PPDPF: variants seen among roughly 807,000 people sequenced by gnomAD.
The protein encoded by PPDPF is exocrine differentiation and proliferation factor.
PPDPF carries 11 observed loss-of-function variants against 6.3 expected under a neutral mutation model. The observed-to-expected ratio is 1.76, with a 90% CI of 1.11 to 2.91. The LOEUF is 2.91. Among genes scored for constraint, PPDPF ranks in the 30% most tolerant of loss-of-function variants. The pLI is 0.00. For missense variants in PPDPF, 202 were observed against 159.4 expected (o/e 1.27, Z -1.44); for synonymous variants, 86 against 64.5 (o/e 1.33, Z -1.60).
rs1356433827 is a variant in PPDPF, at chr20:63,522,138, C to A, written c.*259C>A. ...CTGGAACTGTGCACCTGGCACCAAG[C>A]GGAAAATAAACTCCAAGCAGCCAGT... On this transcript the variant is annotated 3_prime_UTR_variant, in exon 4 of 4. Transcript: ENST00000370179. 3 of 558,406 alleles carry A rather than the reference C, an allele frequency of 5.4e-6. No homozygotes were observed. Among genetic ancestry groups the A allele is most frequent in the Non-Finnish European group, 6.6e-6 (2 of 303,788 alleles). 34.6% of individuals were successfully genotyped at this position (558,406 alleles called of 1,614,324 possible). A position where few individuals can be genotyped will look rare whatever the true frequency, so the allele number is the denominator to read the frequency against.
In PPDPF at chr20:63,522,089, A is replaced by G. The variant is rs2082555046; in HGVS notation, c.*210A>G. On this transcript the variant is annotated 3_prime_UTR_variant, in exon 4 of 4. Transcript: ENST00000370179. ...GCCCCGCTCTCTACCGCCCGGCCCC[A>G]GCACTCGCTAGCTTTCCTGACACCT... is the stretch of plus-strand genomic sequence containing the variant. 2 of 601,200 alleles carry G rather than the reference A, an allele frequency of 3.3e-6. No homozygotes were observed. The highest frequency in any genetic ancestry group is 6.1e-6 in the Non-Finnish European group (2 of 328,956). 37.2% of individuals were successfully genotyped at this position (601,200 alleles called of 1,614,324 possible).
rs200015881 is a variant in PPDPF at position 63,521,619 on chromosome 20, C to T, written c.133+30C>T. On this transcript the variant is annotated intron_variant, in intron 3 of 3. Coordinates refer to ENST00000370179, the MANE Select transcript of PPDPF (RefSeq NM_024299.4). ...GTGCAGGATCGCCCCTTTCTCCCCCCGCTCCTCCAGGAGCTGGCAGCATCA... is the reference window on the plus strand; with the variant it reads ...GTGCAGGATCGCCCCTTTCTCCCCCTGCTCCTCCAGGAGCTGGCAGCATCA... 3.7e-6 allele frequency: 6 copies of T among 1,611,330 alleles called. No individual in the cohort carries two copies. The Admixed American group carries it at 5.0e-5, about 13-fold the overall frequency.
intron 1 of PPDPF, 105 bp from the exon 2 acceptor site, chr20:63,521,179 G>A (rs2082540659): frequency 3.6e-6 from 4 of 1,126,574 alleles, no homozygotes; most frequent in East Asian, 2.9e-5. Flanking sequence ...GAGCTGGGGA[G>A]CCCCGCCTCG....
In PPDPF at chr20:63,520,775, C is replaced by T. The variant is rs531474284; in HGVS notation, c.-145C>T. ...CGTCCGCGCGTGCGCACCCCGCGCG[C>T]GCCTCTCTGTCGTGGCGCGGCTTCC... is the stretch of plus-strand genomic sequence containing the variant. On this transcript the variant is annotated 5_prime_UTR_variant, in exon 1 of 4. Coordinates refer to ENST00000370179, the MANE Select transcript of PPDPF (RefSeq NM_024299.4). 3.0e-5 allele frequency: 30 copies of T among 984,658 alleles called. No individual in the cohort carries two copies. The highest frequency in any genetic ancestry group is 1.4e-4 in the South Asian group (3 of 21,268). The allele number at this position is 984,658 out of a possible 1,614,324, so 61.0% of individuals were successfully genotyped here. A position where few individuals can be genotyped will look rare whatever the true frequency, so the allele number is the denominator to read the frequency against.
chr20:63,521,262 G>A (rs2082541648), intron 1 of PPDPF, 22 bp from the exon 2 acceptor site: 2 of 1,558,646 alleles, frequency 1.3e-6, no homozygotes, highest in South Asian at 1.2e-5. Context: ...GACCCGAGGG[G>A]CTCCTCCACC....
intron 3 of PPDPF, 23 bp downstream of exon 3, chr20:63,521,612 C>A: frequency 6.2e-7 from 1 of 1,612,026 alleles, no homozygotes; most frequent in South Asian, 1.1e-5. Flanking sequence ...TCGCCCCTTT[C>A]TCCCCCCGCT....
At position 63,521,551 on chromosome 20, in the gene PPDPF, G is replaced by T; in HGVS notation, c.95G>T (p.Ser32Ile). The T allele has an allele frequency of 2.5e-6, 4 of 1,603,410 alleles. No homozygotes were observed. Among genetic ancestry groups the T allele is most frequent in the Non-Finnish European group, 3.4e-6 (4 of 1,174,660 alleles). ...GSTSSNSSCSSTECPGEAIPH... is the reference protein window; with the variant it reads ...GSTSSNSSCSITECPGEAIPH... ...ACTTCCAGCAACAGCTCCTGCAGCA[G>T]TACCGAGTGCCCCGGGGAAGCCATT... The change falls in exon 3 of 4, where the codon AGT (serine) becomes ATT (isoleucine). Residue 32 changes from serine (S) to isoleucine (I), a missense_variant. Ser to Ile is a moderately radical substitution (Grantham distance 142). Transcript: ENST00000370179.
rs1027209465 is a variant in PPDPF, at chr20:63,521,329, C to T, written c.21C>T (p.Ser7=). 3 of 1,609,206 alleles carry T rather than the reference C, an allele frequency of 1.9e-6. No individual in the cohort carries two copies. Among genetic ancestry groups the T allele is most frequent in the African/African-American group, 2.7e-5 (2 of 74,792 alleles). MAAIPS[S]GSLVATHDYY... ...AAAGCATGGCGGCCATCCCCTCCAG[C>T]GGCTCGCTCGTGGCCACCCACGACT... Residue 7 remains serine, a synonymous_variant, in exon 2 of 4, where the codon AGC becomes AGT. Transcript: ENST00000370179.
At position 63,521,803 on chromosome 20, in the gene PPDPF, G is replaced by T; in HGVS notation, c.269G>T (p.Cys90Phe). 1 of 1,612,348 alleles carries T rather than the reference G, an allele frequency of 6.2e-7. No individual in the cohort carries two copies. The highest frequency in any genetic ancestry group is 1.1e-5 in the South Asian group (1 of 91,052). Residue 90 changes from cysteine (C) to phenylalanine (F), a missense_variant, in exon 4 of 4, where the codon TGT becomes TTT. Transcript: ENST00000370179. ...CAGGCCTCCAGCAGCATGACCGCCT[G>T]TGGCCTGGCTCGGGACGCCCCGAGG... The part of the protein sequence containing the change: ...PPQASSSMTA[C>F]GLARDAPRKQ...
At position 63,520,818 on chromosome 20, in the gene PPDPF, A is replaced by G. The variant is rs2082537542; in HGVS notation, c.-102A>G. ...CGGCTTCCCGCGGTCTTCTCTGCAA[A>G]TGGGCTCCGTGGCCTAGCGCCCCCG... On this transcript the variant is annotated 5_prime_UTR_variant, in exon 1 of 4. The change abolishes an upstream ATG in the 5' untranslated region. Coordinates refer to ENST00000370179, the MANE Select transcript of PPDPF (RefSeq NM_024299.4). 2.0e-6 allele frequency: 2 copies of G among 985,034 alleles called. No homozygotes were observed. Among genetic ancestry groups the G allele is most frequent in the Non-Finnish European group, 2.4e-6 (2 of 830,202 alleles). 61.0% of individuals were successfully genotyped at this position (985,034 alleles called of 1,614,324 possible).
rs987039228 is a variant in PPDPF at position 63,520,799 on chromosome 20, C to T, written c.-121C>T. ...GCGCCTCTCTGTCGTGGCGCGGCTT[C>T]CCGCGGTCTTCTCTGCAAATGGGCT... On this transcript the variant is annotated 5_prime_UTR_variant, in exon 1 of 4. Coordinates refer to ENST00000370179, the MANE Select transcript of PPDPF (RefSeq NM_024299.4). 3.1e-6 allele frequency: 3 copies of T among 983,236 alleles called. No homozygotes were observed. Among genetic ancestry groups the T allele is most frequent in the Non-Finnish European group, 3.6e-6 (3 of 829,616 alleles). 60.9% of individuals were successfully genotyped at this position (983,236 alleles called of 1,614,324 possible).
At position 63,521,292 on chromosome 20, in the gene PPDPF, A is replaced by C; in HGVS notation, c.-17A>C. The stretch of plus-strand genomic sequence containing the variant: ...TCCACCCCCATGCGCAGATCCCACC[A>C]GCCAGCAAGCTAAAGCATGGCGGCC... On this transcript the variant is annotated 5_prime_UTR_variant, in exon 2 of 4. Coordinates refer to ENST00000370179, the MANE Select transcript of PPDPF (RefSeq NM_024299.4). 6 of 1,607,330 alleles carry C rather than the reference A, an allele frequency of 3.7e-6. No homozygotes were observed. Among genetic ancestry groups the C allele is most frequent in the Non-Finnish European group, 5.1e-6 (6 of 1,177,566 alleles).
rs1244196790 is a variant in PPDPF, at chr20:63,521,248, C to T, written c.-25-36C>T. 2.6e-6 allele frequency: 4 copies of T among 1,524,346 alleles called. No individual in the cohort carries two copies. The South Asian group carries it at 3.6e-5, about 14-fold the overall frequency. 94.4% of individuals were successfully genotyped at this position (1,524,346 alleles called of 1,614,324 possible). On this transcript the variant is annotated intron_variant, in intron 1 of 3. Coordinates refer to ENST00000370179, the MANE Select transcript of PPDPF (RefSeq NM_024299.4). The stretch of plus-strand genomic sequence containing the variant: ...GGGAGCGCCCTTCATGACGGAAGGC[C>T]GCTGACCCGAGGGGCTCCTCCACCC...
Position 63,521,361 on chromosome 20 carries a change from G to T in PPDPF, c.53G>T (p.Arg18Leu). The change falls in exon 2 of 4, where the codon CGG becomes CTG. Residue 18 changes from arginine to leucine, a missense_variant and splice_region_variant. Transcript: ENST00000370179. Reference sequence around the variant, plus strand: ...CTCGTGGCCACCCACGACTACTACCGGCGTGAGTAGCCCCTGCCCCCCATC... The same window carrying T: ...CTCGTGGCCACCCACGACTACTACCTGCGTGAGTAGCCCCTGCCCCCCATC... ...GSLVATHDYY[R>L]RRLGSTSSNS... 6.2e-7 allele frequency: 1 copy of T among 1,609,054 alleles called. No individual in the cohort carries two copies. The highest frequency in any genetic ancestry group is 1.7e-4 in the Middle Eastern group (1 of 6,048).
In PPDPF at chr20:63,520,765, A is replaced by AC. The variant is rs2082536647; in HGVS notation, c.-151dup. On this transcript the variant is annotated 5_prime_UTR_variant, in exon 1 of 4. Coordinates refer to ENST00000370179, the MANE Select transcript of PPDPF (RefSeq NM_024299.4). ...TAAGTGGGCGCGTCCGCGCGTGCGC[A>AC]CCCCGCGCGCGCCTCTCTGTCGTGG... 3.0e-6 allele frequency: 3 copies of AC among 984,040 alleles called. No homozygotes were observed. The highest frequency in any genetic ancestry group is 3.6e-6 in the Non-Finnish European group (3 of 829,526). 61.0% of individuals were successfully genotyped at this position (984,040 alleles called of 1,614,324 possible).
In PPDPF at chr20:63,521,945, CTCTCCCCACT is replaced by C; in HGVS notation, c.*67_*76del. Reference sequence around the variant, plus strand: ...AGTCCACCAGAGCCCCTCCCCGCCCCTCTCCCCACTCCGCATCCCTCGCCCCCCTCCCCAC... The same window carrying C: ...AGTCCACCAGAGCCCCTCCCCGCCCCCCGCATCCCTCGCCCCCCTCCCCAC... On this transcript the variant is annotated 3_prime_UTR_variant, in exon 4 of 4. Transcript: ENST00000370179. 7.9e-7 allele frequency: 1 copy of C among 1,262,678 alleles called. No individual in the cohort carries two copies. Among genetic ancestry groups the C allele is most frequent in the Non-Finnish European group, 1.1e-6 (1 of 916,710 alleles). The allele number at this position is 1,262,678 out of a possible 1,614,324, so 78.2% of individuals were successfully genotyped here.
Position 63,522,069 on chromosome 20 carries a change from GCT to G in PPDPF, c.*195_*196del. ...GACACCAAAAACCAGTGAGAGCCCC[GCT>G]CTCTACCGCCCGGCCCCAGCACTCG... On this transcript the variant is annotated 3_prime_UTR_variant, in exon 4 of 4. Transcript: ENST00000370179. 1 of 625,164 alleles carries G rather than the reference GCT, an allele frequency of 1.6e-6. No individual in the cohort carries two copies. Among genetic ancestry groups the G allele is most frequent in the East Asian group, 2.8e-5 (1 of 36,030 alleles). 38.7% of individuals were successfully genotyped at this position (625,164 alleles called of 1,614,324 possible). A position where few individuals can be genotyped will look rare whatever the true frequency, so the allele number is the denominator to read the frequency against.
chr20:63,521,990 C>A lies in PPDPF; in HGVS notation c.*111C>A. The A allele has an allele frequency of 1.2e-6, 1 of 808,794 alleles. No individual in the cohort carries two copies. The highest frequency in any genetic ancestry group is 1.7e-5 in the South Asian group (1 of 59,090). 50.1% of individuals were successfully genotyped at this position (808,794 alleles called of 1,614,324 possible). On this transcript the variant is annotated 3_prime_UTR_variant, in exon 4 of 4. Coordinates refer to ENST00000370179, the MANE Select transcript of PPDPF (RefSeq NM_024299.4). ...TCGCCCCCCTCCCCACCTCCCACCC[C>A]CCACCCTGTAAACTAGGCGGCTGCA...
rs2082545822 is a variant in PPDPF at position 63,521,537 on chromosome 20, C to T, written c.81C>T (p.Asn27=). 2 of 1,588,534 alleles carry T rather than the reference C, an allele frequency of 1.3e-6. No homozygotes were observed. The highest frequency in any genetic ancestry group is 2.7e-5 in the African/African-American group (2 of 74,306). Residue 27 remains asparagine (N), a synonymous_variant, in exon 3 of 4, where the codon AAC becomes AAT. Coordinates refer to ENST00000370179, the MANE Select transcript of PPDPF (RefSeq NM_024299.4). ...YRRRLGSTSS[N]SSCSSTECPG... is the part of the protein sequence containing the mutation. ...GCCGCCTGGGTTCCACTTCCAGCAA[C>T]AGCTCCTGCAGCAGTACCGAGTGCC...
Sources: gnomAD v4.1 joint callset for allele counts on GRCh38, gnomAD v4.1.1 for gene constraint, MANE v1.5 for transcripts, NCBI Gene and HGNC (gene_info 2026-07-23, HGNC 2026-07-21) for gene names.